KCNC2: variants seen among roughly 807,000 people sequenced by gnomAD.
The protein encoded by KCNC2 is voltage-gated potassium channel KCNC2.
Under a neutral mutation model 44.5 loss-of-function variants are expected in KCNC2, and 21 were observed. The ratio of observed to expected loss-of-function variants is 0.47; its 90% CI spans 0.33 to 0.68. KCNC2 has a LOEUF of 0.68. KCNC2 is among the 30% of genes least tolerant of loss of function. KCNC2 has a pLI of 0.01. For synonymous variants in KCNC2, 391 were observed against 339.1 expected, an observed-to-expected ratio of 1.15 and a Z score of -1.68; for missense variants, 589 against 826.2, an observed-to-expected ratio of 0.71 and a Z score of 3.52.
At chr12:75,076,396 C>A (rs1425339623) in intron 2 of KCNC2, among the ~76,000 whole-genome samples, 1 of 152,144 alleles carries the variant, frequency 6.6e-6, no homozygotes, top group Non-Finnish European at 1.5e-5. Context: ...CCTCAGCCTC[C>A]AGAGTAGCTG....
chr12:75,047,272 G>A (rs1288426469), intron 4 of KCNC2, among the ~76,000 whole-genome samples: 1 of 151,864 alleles, frequency 6.6e-6, no homozygotes. Flanking sequence ...ATTTTTAAAG[G>A]GGAGGAAAAG....
At chr12:75,116,129 A>C (rs1887643352) in intron 2 of KCNC2, among the ~76,000 whole-genome samples, 2 of 152,162 alleles carry the variant, frequency 1.3e-5, no homozygotes, top group South Asian at 4.1e-4. Flanking sequence ...GCAGCAACCA[A>C]AGATCAGGGG....
intron 2 of KCNC2, among the ~76,000 whole-genome samples, chr12:75,076,283 A>T (rs12371802): frequency 0.42 from 62,950 of 151,668 alleles, 16,188 homozygotes; most frequent in Non-Finnish European, 0.58. Flanking sequence ...TTAATTAATT[A>T]ATTTATTTAT....
At position 75,202,856 on chromosome 12, in the gene KCNC2, G is replaced by GT. The variant is rs201774937; in HGVS notation, c.687+4440dup. Among the ~76,000 whole-genome samples, 236 of 144,810 alleles carry GT rather than the reference G, an allele frequency of 1.6e-3. 1 individual carries two copies. Among genetic ancestry groups the GT allele is most frequent in the African/African-American group, 5.3e-3 (208 of 39,156 alleles). ...CTAGAATTTTATTTGCCATAATCTT[G>GT]TTTTTTTTTAATTTAATAGATAATG... On this transcript the variant is annotated intron_variant, in intron 2 of 4. Coordinates refer to ENST00000549446, the MANE Select transcript of KCNC2 (RefSeq NM_139137.4).
At chr12:75,051,422 C>T in intron 2 of KCNC2, 105 bp from the exon 3 acceptor site, 1 of 683,954 alleles carries the variant, frequency 1.5e-6, no homozygotes, top group South Asian at 2.1e-5. Context: ...AGAATAACAG[C>T]ATATTTAGAG....
chr12:75,138,367 G>T (rs1889380298), intron 2 of KCNC2, among the ~76,000 whole-genome samples: 1 of 152,148 alleles, frequency 6.6e-6, no homozygotes, highest in Non-Finnish European at 1.5e-5. Flanking sequence ...TGGAACAGGA[G>T]AAAAAGAATG....
At chr12:75,164,107 C>T (rs1358561992) in intron 2 of KCNC2, among the ~76,000 whole-genome samples, 1 of 151,660 alleles carries the variant, frequency 6.6e-6, no homozygotes, top group Admixed American at 6.6e-5. Context: ...TGTTCCATGA[C>T]TAGTTTCAAG....
At chr12:75,058,081 C>A (rs991483255) in intron 2 of KCNC2, among the ~76,000 whole-genome samples, 1 of 151,736 alleles carries the variant, frequency 6.6e-6, no homozygotes, top group Non-Finnish European at 1.5e-5. Context: ...AATTAGGTAA[C>A]CAGAATTAAA....
chr12:75,165,065 T>C (rs1891357881), intron 2 of KCNC2, among the ~76,000 whole-genome samples: 2 of 151,644 alleles, frequency 1.3e-5, no homozygotes, highest in Non-Finnish European at 3.0e-5. Flanking sequence ...AGTGATCACC[T>C]ACAGTTCCTT....
At chr12:75,208,076 C>T (rs372041865) in intron 1 of KCNC2, 74 bp from the exon 2 acceptor site, 3 of 1,559,176 alleles carry the variant, frequency 1.9e-6, no homozygotes, top group Middle Eastern at 1.7e-4. Context: ...CCACCACCAA[C>T]CCAGAGCGAG....
chr12:75,049,759 G>A (rs1232447119), intron 3 of KCNC2, among the ~76,000 whole-genome samples: 1 of 151,900 alleles, frequency 6.6e-6, no homozygotes, highest in East Asian at 1.9e-4. Context: ...TACATGGCAT[G>A]GACCCTCATC....
intron 2 of KCNC2, among the ~76,000 whole-genome samples, chr12:75,055,196 A>T (rs1374031062): frequency 6.6e-6 from 1 of 152,128 alleles, no homozygotes; most frequent in African/African-American, 2.4e-5. Context: ...AGGATAGATA[A>T]AGGGGTGGAA....
intron 2 of KCNC2, among the ~76,000 whole-genome samples, chr12:75,186,405 G>C (rs1280779942): frequency 6.6e-6 from 1 of 151,956 alleles, no homozygotes; most frequent in Non-Finnish European, 1.5e-5. Flanking sequence ...TAAGATTTTA[G>C]AATATGCATT....
rs983274756 is a variant in KCNC2, at chr12:75,041,001, T to C, written c.*2104A>G. 11 of 872,740 alleles carry C rather than the reference T, an allele frequency of 1.3e-5. No homozygotes were observed. Among genetic ancestry groups the C allele is most frequent in the Non-Finnish European group, 2.0e-5 (11 of 539,210 alleles). 54.1% of individuals were successfully genotyped at this position (872,740 alleles called of 1,614,324 possible). On this transcript the variant is annotated 3_prime_UTR_variant, in exon 5 of 5. Transcript: ENST00000549446. Reference sequence around the variant, plus strand: ...CCAGTCTACAAGCAGAGCACTCTCATGGGGAGCACCAGATGAGTTCCAGCC... The same window carrying C: ...CCAGTCTACAAGCAGAGCACTCTCACGGGGAGCACCAGATGAGTTCCAGCC...
In KCNC2 at chr12:75,048,245, G is replaced by C; in HGVS notation, c.1688C>G (p.Ser563Cys). 6.2e-7 allele frequency: 1 copy of C among 1,613,088 alleles called. No individual in the cohort carries two copies. Among genetic ancestry groups the C allele is most frequent in the South Asian group, 1.1e-5 (1 of 91,042 alleles). ...TCTTCTGTTTTTGTCTCTGGTACTAGAGCGTCTGATGGGGAGCCTTTCTGG... is the reference window on the plus strand; with the variant it reads ...TCTTCTGTTTTTGTCTCTGGTACTACAGCGTCTGATGGGGAGCCTTTCTGG... ...SPPERLPIRR[S>C]STRDKNRRGE... Residue 563 changes from serine (S) to cysteine (C), a missense_variant, in exon 4 of 5, where the codon TCT becomes TGT. Ser to Cys is a moderately radical substitution (Grantham distance 112). Around this residue, in one of 7 missense-constraint regions of KCNC2, gnomAD observed 171 missense variants for 182.4 expected, o/e 0.94. Transcript: ENST00000549446.
chr12:75,109,108 G>C (rs1887018992), intron 2 of KCNC2, among the ~76,000 whole-genome samples: 1 of 152,092 alleles, frequency 6.6e-6, no homozygotes, highest in Admixed American at 6.6e-5. Flanking sequence ...CTTAAAACAG[G>C]ACACTTGCTA....
chr12:75,155,486 A>G (rs1458600), intron 2 of KCNC2, among the ~76,000 whole-genome samples: 27,222 of 151,692 alleles, frequency 0.18, 2,618 homozygotes, highest in African/African-American at 0.21. Context: ...TACAAGCATG[A>G]TTGTACTGAG....
rs1448002547 is a variant in KCNC2, at chr12:75,209,643, C to T, written c.-456G>A. 6.6e-6 allele frequency: 1 copy of T among 152,532 alleles called. No individual in the cohort carries two copies. Among genetic ancestry groups the T allele is most frequent in the Admixed American group, 6.5e-5 (1 of 15,292 alleles). 9.4% of individuals were successfully genotyped at this position (152,532 alleles called of 1,614,324 possible). ...AGTCGCCCTGCTCGGATTCCATCTG[C>T]AGATTTTGTTTCTCCCCCAAATCAG... is the stretch of plus-strand genomic sequence containing the variant. On this transcript the variant is annotated 5_prime_UTR_variant, in exon 1 of 5. Transcript: ENST00000549446.
intron 2 of KCNC2, among the ~76,000 whole-genome samples, chr12:75,062,771 C>T (rs1882469707): frequency 6.6e-6 from 1 of 151,898 alleles, no homozygotes; most frequent in Admixed American, 6.6e-5. Flanking sequence ...AGAAGGAAAG[C>T]TATTAAATAT....
Sources: gnomAD v4.1 joint callset for allele counts (sites outside exome capture counted in the v4.1 genomes callset) on GRCh38, gnomAD v4.1.1 for gene constraint, gnomAD v4.1.1 regional missense constraint, MANE v1.5 for transcripts, NCBI Gene and HGNC (gene_info 2026-07-23, HGNC 2026-07-21) for gene names.